GAS2: variants seen among roughly 807,000 people sequenced by gnomAD.
GAS2 encodes the protein growth arrest specific 2.
A neutral mutation model predicts 37.5 loss-of-function variants in GAS2; 20 were observed. The observed-to-expected ratio is 0.53, with a 90% confidence interval of 0.37 to 0.77. The LOEUF is 0.77. GAS2 is among the 30% of genes least tolerant of loss of function. The pLI, the probability that GAS2 is intolerant of heterozygous loss-of-function variation, is 0.00. For synonymous variants in GAS2, 144 were observed against 132.2 expected (o/e 1.09, Z -0.61); for missense variants, 336 against 373.4 (o/e 0.90, Z 0.82).
Position 22,636,962 on chromosome 11 carries a change from A to C in GAS2, c.-21+11149A>C, listed in dbSNP as rs573059039. Among the ~76,000 whole-genome samples the C allele has an allele frequency of 1.3e-3, 187 of 141,606 alleles. 4 individuals carry two copies. The highest frequency in any genetic ancestry group is 0.013 in the South Asian group (59 of 4,628). 92.9% of individuals were successfully genotyped at this position (141,606 alleles called of 152,430 possible). A position where few individuals can be genotyped will look rare whatever the true frequency, so the allele number is the denominator to read the frequency against. On this transcript the variant is annotated intron_variant, in intron 1 of 5. Coordinates refer to the GAS2 transcript ENST00000528582. The stretch of plus-strand genomic sequence containing the variant: ...TAAATAATAATAAATTGTTACTATT[A>C]ATGATATTTATATCAATAGTACATT...
At chr11:22,662,801 G>A (rs1848929203), upstream of GAS2, among the ~76,000 whole-genome samples, 4 of 152,070 alleles carry the variant, frequency 2.6e-5, no homozygotes, top group South Asian at 8.3e-4. Context: ...AGGGCATCAT[G>A]TGAGGCCAGG....
intron 3 of GAS2, 102 bp from the exon 4 acceptor site, chr11:22,726,190 G>C (rs919586132): frequency 1.8e-5 from 21 of 1,148,692 alleles, no homozygotes; most frequent in Non-Finnish European, 2.5e-5. Context: ...CTACTTATTG[G>C]CATGAGGTAA....
intron 3 of GAS2, among the ~76,000 whole-genome samples, chr11:22,719,840 C>T (rs575171433): frequency 1.6e-4 from 25 of 152,104 alleles, no homozygotes; most frequent in African/African-American, 4.1e-4. Flanking sequence ...ACTTTACAAT[C>T]GTTTCTTTAT....
At chr11:22,662,411 T>G (rs1479246133), upstream of GAS2, among the ~76,000 whole-genome samples, 1 of 152,244 alleles carries the variant, frequency 6.6e-6, no homozygotes, top group African/African-American at 2.4e-5. Flanking sequence ...AGTTGTATAT[T>G]TTCTAAGACA....
chr11:22,740,510 T>C (rs1048579295), intron 5 of GAS2, among the ~76,000 whole-genome samples: 1 of 152,218 alleles, frequency 6.6e-6, no homozygotes, highest in African/African-American at 2.4e-5. Context: ...ACTATTATTC[T>C]AGTGTGTGAC....
chr11:22,751,782 A>G (rs1309241575), intron 6 of GAS2, among the ~76,000 whole-genome samples: 1 of 152,040 alleles, frequency 6.6e-6, no homozygotes, highest in Non-Finnish European at 1.5e-5. Context: ...TAGGAAAACT[A>G]TGAAAAGGAC....
chr11:22,652,057 CT>C, intron 1 of GAS2, among the ~76,000 whole-genome samples: 2 of 152,268 alleles, frequency 1.3e-5, no homozygotes, highest in East Asian at 1.9e-4. Context: ...GTTTTATCTA[CT>C]TTTAGTCTTT....
At chr11:22,682,196 C>T (rs1411929518) in intron 2 of GAS2, among the ~76,000 whole-genome samples, 1 of 151,844 alleles carries the variant, frequency 6.6e-6, no homozygotes, top group South Asian at 2.1e-4. Flanking sequence ...ATTCTTTTTA[C>T]AAGTATTCAT....
intron 4 of GAS2, among the ~76,000 whole-genome samples, chr11:22,729,085 A>G (rs1852351773): frequency 6.6e-6 from 1 of 151,528 alleles, no homozygotes; most frequent in African/African-American, 2.4e-5. Context: ...AAGATGAAGC[A>G]CATCCTTTGT....
intron 3 of GAS2, among the ~76,000 whole-genome samples, chr11:22,705,731 C>T (rs913773629): frequency 7.9e-5 from 12 of 152,178 alleles, no homozygotes; most frequent in African/African-American, 2.9e-4. Flanking sequence ...TGCTCACATG[C>T]TTCATGCCTT....
chr11:22,757,223 A>T (rs1403748084), intron 7 of GAS2, among the ~76,000 whole-genome samples: 1 of 152,120 alleles, frequency 6.6e-6, no homozygotes, highest in Non-Finnish European at 1.5e-5. Context: ...GTTTATTTGC[A>T]TCTGTGATTT....
intron 7 of GAS2, among the ~76,000 whole-genome samples, chr11:22,763,389 C>A (rs573694669): frequency 1.1e-4 from 17 of 152,048 alleles, no homozygotes; most frequent in African/African-American, 3.9e-4. Context: ...ATATTACGTT[C>A]TTTTTTGCTC....
intron 4 of GAS2, among the ~76,000 whole-genome samples, chr11:22,732,130 C>T (rs1215173546): frequency 6.6e-6 from 1 of 151,662 alleles, no homozygotes; most frequent in Non-Finnish European, 1.5e-5. Context: ...GAAAGATGTA[C>T]TTTGTCTGCG....
chr11:22,779,719 A>C (rs1224089059), intron 7 of GAS2, among the ~76,000 whole-genome samples: 1 of 152,022 alleles, frequency 6.6e-6, no homozygotes, highest in African/African-American at 2.4e-5. Context: ...AAAACAAAAA[A>C]AAAAACCAAA....
At chr11:22,803,989 T>C (rs560867761) in intron 7 of GAS2, among the ~76,000 whole-genome samples, 1 of 152,118 alleles carries the variant, frequency 6.6e-6, no homozygotes, top group Admixed American at 6.6e-5. Flanking sequence ...ATTGCAATAT[T>C]GTGAGATGCA....
intron 1 of GAS2, among the ~76,000 whole-genome samples, chr11:22,634,635 T>A (rs1224383161): frequency 1.3e-5 from 2 of 152,152 alleles, no homozygotes; most frequent in Non-Finnish European, 2.9e-5. Flanking sequence ...CAAACTACTG[T>A]GAATCCTGCT....
At chr11:22,750,720 T>A (rs1853679158) in intron 6 of GAS2, among the ~76,000 whole-genome samples, 1 of 152,074 alleles carries the variant, frequency 6.6e-6, no homozygotes, top group South Asian at 2.1e-4. Context: ...TTTTCTTCTG[T>A]GTCAATTATA....
chr11:22,682,337 G>T (rs1180279197), intron 2 of GAS2, among the ~76,000 whole-genome samples: 1 of 151,792 alleles, frequency 6.6e-6, no homozygotes, highest in Non-Finnish European at 1.5e-5. Context: ...TAAGTATATT[G>T]TAACTATCTT....
intron 3 of GAS2, among the ~76,000 whole-genome samples, chr11:22,716,559 GA>G (rs1161546102): frequency 6.6e-6 from 1 of 151,504 alleles, no homozygotes; most frequent in Non-Finnish European, 1.5e-5. Flanking sequence ...AGACTAGCTT[GA>G]ACCTGGGAGG....
Sources: gnomAD v4.1 joint callset for allele counts (sites outside exome capture counted in the v4.1 genomes callset) on GRCh38, gnomAD v4.1.1 for gene constraint, MANE v1.5 for transcripts, NCBI Gene and HGNC (gene_info 2026-07-23, HGNC 2026-07-21) for gene names.